The following PKHD1 variants were observed in gnomAD, a reference collection of about 807,000 sequenced individuals.
PKHD1 encodes the protein PKHD1 ciliary IPT domain containing fibrocystin/polyductin.
In PKHD1, 291 loss-of-function variants were observed where a neutral mutation model predicts 412.0. That is an observed-to-expected ratio of 0.71 (90% CI 0.64 to 0.78). The LOEUF (loss-of-function observed/expected upper bound fraction) is 0.78. Among genes scored for constraint, PKHD1 ranks in the 30% least tolerant of loss-of-function variants. The pLI, the probability that PKHD1 is intolerant of heterozygous loss-of-function variation, is 0.00. For missense variants in PKHD1, 4,825 were observed against 4,950.7 expected (o/e 0.97, Z 0.76); for synonymous variants, 1,777 against 1,821.5 (o/e 0.98, Z 0.62).
At chr6:51,766,686 TTTTC>T (rs1364515556) in intron 55 of PKHD1, among the ~76,000 whole-genome samples, 1 of 150,540 alleles carries the variant, frequency 6.6e-6, no homozygotes, top group Non-Finnish European at 1.5e-5. Flanking sequence ...GCTGCAAATA[TTTTC>T]TTTTTTTTTA....
intron 60 of PKHD1, chr6:51,682,378 C>A (rs944898593): frequency 1.8e-5 from 6 of 342,302 alleles, no homozygotes; most frequent in African/African-American, 1.1e-4. Flanking sequence ...AAAACTAGTT[C>A]TATGAATCTC....
At chr6:51,955,840 G>C (rs1444127039) in intron 36 of PKHD1, among the ~76,000 whole-genome samples, 1 of 151,882 alleles carries the variant, frequency 6.6e-6, no homozygotes, top group Non-Finnish European at 1.5e-5. Context: ...AATTTCTCAG[G>C]CTTTATCTAA....
chr6:51,669,169 C>A (rs1249808803), intron 60 of PKHD1, among the ~76,000 whole-genome samples: 1 of 152,048 alleles, frequency 6.6e-6, no homozygotes, highest in Admixed American at 6.6e-5. Context: ...GTGAATCCAT[C>A]TGGTCCTGGA....
chr6:52,079,981 A>G lies in PKHD1; in HGVS notation c.309T>C (p.Gly103=), dbSNP rs1447297580. Residue 103 remains glycine, a synonymous_variant, in exon 5 of 67, where the codon GGT becomes GGC. Transcript: ENST00000371117. ...CGAAGTATGCTTCCAGGAAGTACAG[A>G]CCCTCATGTGCTTCAGACAGCACAG... ...TRSVLSEAHE[G]LYFLEAYFGG... 1 of 1,608,162 alleles carries G rather than the reference A, an allele frequency of 6.2e-7. No individual in the cohort carries two copies. Among genetic ancestry groups the G allele is most frequent in the Non-Finnish European group, 8.5e-7 (1 of 1,174,760 alleles).
rs1206669422 is a variant in PKHD1 at position 52,062,530 on chromosome 6, T to A, written c.1107A>T (p.Gly369=). The part of the protein sequence containing the change: ...SSPFGFWSQE[G]QPFRARLSGF... ...TTCCTACAACATACCTGAAAGGTTG[T>A]CCTTCCTGTGACCAAAACCCAAATG... The change falls in exon 14 of 67, where the codon GGA becomes GGT. Residue 369 remains glycine, a synonymous_variant. Coordinates refer to ENST00000371117, the MANE Select transcript of PKHD1 (RefSeq NM_138694.4). The A allele has an allele frequency of 1.2e-6, 2 of 1,613,988 alleles. No individual in the cohort carries two copies. Among genetic ancestry groups the A allele is most frequent in the East Asian group, 2.2e-5 (1 of 44,892 alleles).
chr6:51,913,454 A>G (rs376320188), intron 37 of PKHD1, among the ~76,000 whole-genome samples: 1 of 152,036 alleles, frequency 6.6e-6, no homozygotes, highest in Non-Finnish European at 1.5e-5. Context: ...TCTGTCTCAC[A>G]GTTTATTCTG....
intron 63 of PKHD1, 97 bp from the exon 64 acceptor site, chr6:51,639,053 G>A (rs533874660): frequency 1.1e-6 from 1 of 950,528 alleles, no homozygotes; most frequent in Middle Eastern, 2.3e-4. Flanking sequence ...GACAATAAAG[G>A]ACAATTTTTT....
At position 51,885,864 on chromosome 6, in the gene PKHD1, T is replaced by C; in HGVS notation, c.7215+3A>G. 6.3e-7 allele frequency: 1 copy of C among 1,587,008 alleles called. No homozygotes were observed. On this transcript the variant is annotated splice_donor_region_variant and intron_variant, in intron 45 of 66. Coordinates refer to ENST00000371117, the MANE Select transcript of PKHD1 (RefSeq NM_138694.4). ...CAATAACAACAACAACAAAAAAGCTTACCTGGGCACCACCTGCACTTTCCC... is the reference window on the plus strand; with the variant it reads ...CAATAACAACAACAACAAAAAAGCTCACCTGGGCACCACCTGCACTTTCCC...
chr6:51,897,450 G>A (rs1215399100), intron 43 of PKHD1, among the ~76,000 whole-genome samples: 1 of 151,712 alleles, frequency 6.6e-6, no homozygotes, highest in Non-Finnish European at 1.5e-5. Context: ...ATCCTTTACA[G>A]ACAAGCAAAT....
chr6:52,004,188 C>A (rs1171956625), intron 35 of PKHD1, among the ~76,000 whole-genome samples: 1 of 151,762 alleles, frequency 6.6e-6, no homozygotes, highest in Non-Finnish European at 1.5e-5. Flanking sequence ...CCATTTTTTC[C>A]CTTTTCTTTC....
chr6:51,893,952 G>T (rs933906455), intron 43 of PKHD1, among the ~76,000 whole-genome samples: 6 of 152,172 alleles, frequency 3.9e-5, no homozygotes, highest in African/African-American at 1.4e-4. Flanking sequence ...ATCCTAAACA[G>T]GGGTCTGGTT....
intron 60 of PKHD1, among the ~76,000 whole-genome samples, chr6:51,688,088 T>C (rs1191767244): frequency 6.6e-6 from 1 of 152,214 alleles, no homozygotes; most frequent in Non-Finnish European, 1.5e-5. Context: ...TTGACAGCAG[T>C]AGGCTGCTAG....
intron 63 of PKHD1, among the ~76,000 whole-genome samples, chr6:51,643,414 A>G (rs1255892540): frequency 6.6e-6 from 1 of 152,086 alleles, no homozygotes; most frequent in Non-Finnish European, 1.5e-5. Context: ...AATGACCAGG[A>G]GCAACAATAT....
intron 43 of PKHD1, among the ~76,000 whole-genome samples, chr6:51,889,415 T>C (rs1778760060): frequency 6.6e-6 from 1 of 152,230 alleles, no homozygotes; most frequent in Non-Finnish European, 1.5e-5. Flanking sequence ...TCTTAAACTT[T>C]CGTGTGCAAC....
chr6:51,689,646 G>A (rs2150616242), intron 60 of PKHD1, among the ~76,000 whole-genome samples: 1 of 152,304 alleles, frequency 6.6e-6, no homozygotes, highest in Non-Finnish European at 1.5e-5. Context: ...CTTCAGCAAA[G>A]TCTTGGGATA....
intron 24 of PKHD1, 152 bp from the exon 25 acceptor site, chr6:52,045,240 G>C: frequency 1.3e-6 from 1 of 773,760 alleles, no homozygotes; most frequent in South Asian, 1.5e-5. Context: ...ATATAGAAAC[G>C]TAACAGTAAA....
At chr6:51,634,966 A>G (rs537421867) in intron 64 of PKHD1, among the ~76,000 whole-genome samples, 2 of 152,254 alleles carry the variant, frequency 1.3e-5, no homozygotes, top group South Asian at 4.2e-4. Context: ...TCTATCACCC[A>G]AACTTCAGTA....
chr6:51,729,580 T>C (rs931707802), intron 60 of PKHD1, among the ~76,000 whole-genome samples: 26 of 152,174 alleles, frequency 1.7e-4, no homozygotes, highest in African/African-American at 6.3e-4. Flanking sequence ...TCTAGGATAA[T>C]GTCTTAAAAG....
At chr6:51,633,290 GA>G (rs1162348032) in intron 64 of PKHD1, among the ~76,000 whole-genome samples, 4 of 152,076 alleles carry the variant, frequency 2.6e-5, no homozygotes, top group Non-Finnish European at 5.9e-5. Context: ...AACTCTGTAA[GA>G]ATTCATCTGA....
Sources: gnomAD v4.1 joint callset for allele counts (sites outside exome capture counted in the v4.1 genomes callset) on GRCh38, gnomAD v4.1.1 for gene constraint, MANE v1.5 for transcripts, NCBI Gene and HGNC (gene_info 2026-07-23, HGNC 2026-07-21) for gene names.